MACROD2: variants seen among roughly 807,000 people sequenced by gnomAD.
MACROD2 encodes the protein mono-ADP ribosylhydrolase 2.
MACROD2 carries 36 observed loss-of-function variants against 70.4 expected under a neutral mutation model. The observed-to-expected ratio is 0.51, with a 90% CI of 0.39 to 0.68. MACROD2 has a LOEUF of 0.68. Ranked by LOEUF, MACROD2 falls within the 30% of genes least tolerant of loss-of-function variation. The pLI, the probability that MACROD2 is intolerant of heterozygous loss-of-function variation, is 0.00. For missense variants in MACROD2, 496 were observed against 538.4 expected (o/e 0.92, Z 0.78); for synonymous variants, 172 against 178.8 (o/e 0.96, Z 0.30).
chr20:15,159,493 G>A (rs1568608233), intron 5 of MACROD2, among the ~76,000 whole-genome samples: 1 of 152,074 alleles, frequency 6.6e-6, no homozygotes, highest in Non-Finnish European at 1.5e-5. Context: ...TTGACAGAGG[G>A]TAAAGTTAAG....
rs967746122 is a variant in MACROD2 at position 14,509,275 on chromosome 20, AT to A, written c.301+15773del. Among the ~76,000 whole-genome samples the A allele has an allele frequency of 2.6e-5, 4 of 151,946 alleles. No individual in the cohort carries two copies. The South Asian group carries it at 6.2e-4, about 24-fold the overall frequency. On this transcript the variant is annotated intron_variant, in intron 4 of 17. Transcript: ENST00000684519. ...TATTTATTCCATACATACATTTACA[AT>A]TTTTTAATTGGGACAGTAAAATCAT...
chr20:15,461,006 A>ATATTTT lies in MACROD2; in HGVS notation c.571+29572_571+29573insATTTTT. 6.0e-4 allele frequency among the ~76,000 whole-genome samples: 40 copies of ATATTTT among 67,010 alleles called. 2 individuals carry two copies. Among genetic ancestry groups the ATATTTT allele is most frequent in the East Asian group, 1.2e-3 (2 of 1,634 alleles). 44.0% of individuals were successfully genotyped at this position (67,010 alleles called of 152,430 possible). A position where few individuals can be genotyped will look rare whatever the true frequency, so the allele number is the denominator to read the frequency against. On this transcript the variant is annotated intron_variant, in intron 7 of 17. Transcript: ENST00000684519. ...TATATATATATATATATATATATAT[A>ATATTTT]TTTTTTTTTAATAGATGGGGTCTTG...
chr20:14,702,993 G>T (rs1031900834), intron 5 of MACROD2, among the ~76,000 whole-genome samples: 1 of 151,868 alleles, frequency 6.6e-6, no homozygotes, highest in East Asian at 1.9e-4. Flanking sequence ...CTCCCAAAGT[G>T]CTGAGATTAC....
chr20:15,951,542 CT>C (rs2065906339), intron 12 of MACROD2, among the ~76,000 whole-genome samples: 1 of 151,986 alleles, frequency 6.6e-6, no homozygotes, highest in Non-Finnish European at 1.5e-5. Flanking sequence ...GAAATTAGCC[CT>C]GTTATTTTGC....
intron 8 of MACROD2, among the ~76,000 whole-genome samples, chr20:15,607,019 A>T (rs1203734841): frequency 6.6e-6 from 1 of 151,942 alleles, no homozygotes; most frequent in Non-Finnish European, 1.5e-5. Context: ...AAAAAAAAAA[A>T]AATTGGGAAA....
At chr20:15,593,561 T>C (rs371733230) in intron 8 of MACROD2, among the ~76,000 whole-genome samples, 1 of 152,212 alleles carries the variant, frequency 6.6e-6, no homozygotes, top group South Asian at 2.1e-4. Context: ...TTAATAGTAA[T>C]CTAAGGACTA....
In MACROD2 at chr20:13,995,571, C is replaced by A; in HGVS notation, c.-193C>A. On this transcript the variant is annotated 5_prime_UTR_variant, in exon 1 of 18. Coordinates refer to ENST00000684519, the MANE Select transcript of MACROD2 (RefSeq NM_001351661.2). This position sits in a 1 kb window ranked among gnomAD's most constrained non-coding sequence, Gnocchi z 4.3. Reference sequence around the variant, plus strand: ...TCCGCGGGGCTGAGGCGGGTGGGAGCCGGAGCCGAGCGCGGGCTGAGGGAG... The same window carrying A: ...TCCGCGGGGCTGAGGCGGGTGGGAGACGGAGCCGAGCGCGGGCTGAGGGAG... 1.5e-6 allele frequency: 1 copy of A among 663,940 alleles called. No homozygotes were observed. Among genetic ancestry groups the A allele is most frequent in the Non-Finnish European group, 2.8e-6 (1 of 361,106 alleles). 41.1% of individuals were successfully genotyped at this position (663,940 alleles called of 1,614,324 possible).
intron 3 of MACROD2, among the ~76,000 whole-genome samples, chr20:14,090,572 C>CA (rs10715091): frequency 6.3e-5 from 9 of 143,536 alleles, no homozygotes; most frequent in African/African-American, 1.0e-4. Context: ...GACTCCGTGT[C>CA]AAAAAAAAAA....
intron 5 of MACROD2, among the ~76,000 whole-genome samples, chr20:15,014,262 A>G (rs1350445263): frequency 7.2e-5 from 11 of 152,174 alleles, no homozygotes. Flanking sequence ...AAATGTTATC[A>G]CAAGTGGCAT....
intron 1 of MACROD2, among the ~76,000 whole-genome samples, chr20:13,997,522 T>C (rs537571786): frequency 6.6e-5 from 10 of 152,328 alleles, no homozygotes; most frequent in African/African-American, 2.4e-4. Context: ...TCTGTCATAA[T>C]AGAAAAACAG....
intron 6 of MACROD2, among the ~76,000 whole-genome samples, chr20:15,313,820 C>A (rs923038216): frequency 7.9e-5 from 12 of 152,130 alleles, no homozygotes; most frequent in Non-Finnish European, 1.5e-4. Flanking sequence ...ATTTTTCCAA[C>A]CAAAAACGCA....
chr20:15,324,477 G>T (rs1173001500), intron 6 of MACROD2, among the ~76,000 whole-genome samples: 1 of 152,146 alleles, frequency 6.6e-6, no homozygotes, highest in East Asian at 1.9e-4. Flanking sequence ...TTTTGTATGA[G>T]CTTTCTCTAT....
At chr20:14,043,144 T>C (rs2053417964) in intron 2 of MACROD2, among the ~76,000 whole-genome samples, 1 of 152,142 alleles carries the variant, frequency 6.6e-6, no homozygotes, top group African/African-American at 2.4e-5. Flanking sequence ...GGTCTCAAAC[T>C]CTTGGGCTCA....
At chr20:15,051,383 T>A (rs1459120382) in intron 5 of MACROD2, among the ~76,000 whole-genome samples, 1 of 109,818 alleles carries the variant, frequency 9.1e-6, no homozygotes, top group African/African-American at 3.4e-5. Context: ...TGTGTGTGTG[T>A]GTGTGTGTGT....
chr20:15,647,172 T>TA (rs2049560776), intron 8 of MACROD2, among the ~76,000 whole-genome samples: 3 of 152,190 alleles, frequency 2.0e-5, no homozygotes, highest in Admixed American at 1.3e-4. Flanking sequence ...TATGGAATCT[T>TA]AGAGTTCTCC....
chr20:14,394,422 T>C (rs2083560398), intron 3 of MACROD2, among the ~76,000 whole-genome samples: 1 of 152,224 alleles, frequency 6.6e-6, no homozygotes, highest in Non-Finnish European at 1.5e-5. Context: ...GTTGCTAGCA[T>C]GTAGAAACAC....
chr20:16,004,685 C>G (rs115706372), intron 15 of MACROD2, among the ~76,000 whole-genome samples: 1 of 152,374 alleles, frequency 6.6e-6, no homozygotes, highest in Admixed American at 6.5e-5. Context: ...CTCCCACACA[C>G]AGCCGCAGGA....
chr20:15,358,707 AG>A (rs2078317185), intron 6 of MACROD2, among the ~76,000 whole-genome samples: 1 of 152,194 alleles, frequency 6.6e-6, no homozygotes, highest in African/African-American at 2.4e-5. Flanking sequence ...AGGGCTAAGA[AG>A]TCCAAGATCA....
intron 5 of MACROD2, among the ~76,000 whole-genome samples, chr20:14,711,352 A>G (rs1312468299): frequency 6.6e-6 from 1 of 152,222 alleles, no homozygotes; most frequent in African/African-American, 2.4e-5. Flanking sequence ...TTCAGGAATC[A>G]TTCTCAATGT....
Sources: allele counts gnomAD v4.1 joint callset (sites outside exome capture counted in the v4.1 genomes callset), GRCh38; gene constraint gnomAD v4.1.1; non-coding constraint Gnocchi (gnomAD v3.1); transcripts MANE v1.5; gene names NCBI Gene and HGNC (gene_info 2026-07-23, HGNC 2026-07-21).